The following MRPL42 variants were observed in gnomAD, a reference collection of about 807,000 sequenced individuals.
The protein encoded by MRPL42 is large ribosomal subunit protein mL42.
Under a neutral mutation model 17.9 loss-of-function variants are expected in MRPL42, and 17 were observed. The observed-to-expected ratio is 0.95, with a 90% confidence interval of 0.65 to 1.42. The LOEUF (loss-of-function observed/expected upper bound fraction) is 1.42. Ranked by LOEUF, MRPL42 falls within the 40% of genes most tolerant of loss-of-function variation. The pLI, the probability that MRPL42 is intolerant of heterozygous loss-of-function variation, is 0.00. For missense variants in MRPL42, 177 were observed against 175.2 expected, an observed-to-expected ratio of 1.01 and a Z score of -0.06; for synonymous variants, 59 against 54.4, an observed-to-expected ratio of 1.08 and a Z score of -0.37.
Position 93,511,136 on chromosome 12 carries a change from A to C in MRPL42, c.*9915A>C, listed in dbSNP as rs1041872621. ...TACTCATAAATATAATTCTTCATAT[A>C]CTGAGTTCAGTTTTTTAGCCATAAA... On this transcript the variant is annotated 3_prime_UTR_variant, in exon 6 of 6. Transcript: ENST00000549982. The C allele has an allele frequency of 6.6e-6, 1 of 152,218 alleles. No homozygotes were observed. The highest frequency in any genetic ancestry group is 1.5e-5 in the Non-Finnish European group (1 of 68,018). The allele number at this position is 152,218 out of a possible 1,614,324, so 9.4% of individuals were successfully genotyped here. A position where few individuals can be genotyped will look rare whatever the true frequency, so the allele number is the denominator to read the frequency against.
At chr12:93,496,933 T>C in intron 5 of MRPL42, among the ~76,000 whole-genome samples, 1 of 152,044 alleles carries the variant, frequency 6.6e-6, no homozygotes, top group East Asian at 1.9e-4. Context: ...CAGAGACTAT[T>C]ATTAGGAACA....
intron 4 of MRPL42, among the ~76,000 whole-genome samples, chr12:93,483,493 A>G (rs961264286): frequency 4.6e-5 from 7 of 152,216 alleles, no homozygotes; most frequent in African/African-American, 1.2e-4. Flanking sequence ...TTGTAACACA[A>G]TGGTCAATAT....
Position 93,508,751 on chromosome 12 carries a change from A to G in MRPL42, c.*7530A>G, listed in dbSNP as rs1953696426. ...CCTAACTTTCATTTTTTCTTCCCGTAAGCAGCCCCGAACACTTACTTATAA... is the reference window on the plus strand; with the variant it reads ...CCTAACTTTCATTTTTTCTTCCCGTGAGCAGCCCCGAACACTTACTTATAA... On this transcript the variant is annotated 3_prime_UTR_variant, in exon 6 of 6. Coordinates refer to ENST00000549982, the MANE Select transcript of MRPL42 (RefSeq NM_014050.4). 6.6e-6 allele frequency: 1 copy of G among 152,130 alleles called. No individual in the cohort carries two copies. Among genetic ancestry groups the G allele is most frequent in the Admixed American group, 6.6e-5 (1 of 15,256 alleles). 9.4% of individuals were successfully genotyped at this position (152,130 alleles called of 1,614,324 possible). A position where few individuals can be genotyped will look rare whatever the true frequency, so the allele number is the denominator to read the frequency against.
At chr12:93,490,232 G>T (rs1001547513) in intron 5 of MRPL42, among the ~76,000 whole-genome samples, 1 of 152,170 alleles carries the variant, frequency 6.6e-6, no homozygotes, top group African/African-American at 2.4e-5. Context: ...CGAGCATGTT[G>T]TCTTTAGACA....
In MRPL42 at chr12:93,506,898, T is replaced by G. The variant is rs1444451568; in HGVS notation, c.*5677T>G. 2 of 152,176 alleles carry G rather than the reference T, an allele frequency of 1.3e-5. No individual in the cohort carries two copies. The highest frequency in any genetic ancestry group is 4.8e-5 in the African/African-American group (2 of 41,444). The allele number at this position is 152,176 out of a possible 1,614,324, so 9.4% of individuals were successfully genotyped here. ...TTGCTGCATCCAGGTGTAATTACCA[T>G]AAGAGCATAGAAGATAGAATCGTAA... is the stretch of plus-strand genomic sequence containing the variant. On this transcript the variant is annotated 3_prime_UTR_variant, in exon 6 of 6. Transcript: ENST00000549982.
rs551458419 is a variant in MRPL42 at position 93,473,784 on chromosome 12, T to A, written c.71-3170T>A. Among the ~76,000 whole-genome samples, 5 of 151,822 alleles carry A rather than the reference T, an allele frequency of 3.3e-5. No individual in the cohort carries two copies. The South Asian group carries it at 1.0e-3, about 32-fold the overall frequency. On this transcript the variant is annotated intron_variant, in intron 2 of 5. Transcript: ENST00000549982. ...AGTTTTGCCATGTTGCCCAGGCTGG[T>A]CTTGAACTCCTGGGTTCAAGTGATC...
chr12:93,479,171 C>T (rs888688289), intron 3 of MRPL42, among the ~76,000 whole-genome samples: 3 of 151,534 alleles, frequency 2.0e-5, no homozygotes, highest in African/African-American at 7.3e-5. Context: ...AATCTGCCCA[C>T]CTTGGCCTTA....
At chr12:93,468,524 C>G (rs111360497) in intron 1 of MRPL42, among the ~76,000 whole-genome samples, 1,630 of 152,196 alleles carry the variant, frequency 0.011, 29 homozygotes, top group African/African-American at 0.037. Flanking sequence ...AAATTTTGTA[C>G]TTTAGTTTCT....
chr12:93,499,566 A>G (rs1454295131), intron 5 of MRPL42, among the ~76,000 whole-genome samples: 2 of 152,152 alleles, frequency 1.3e-5, no homozygotes, highest in Non-Finnish European at 2.9e-5. Flanking sequence ...ACACTATTGT[A>G]CTAGTACAAC....
rs1290519514 is a variant in MRPL42, at chr12:93,511,163, GA to G, written c.*9944del. On this transcript the variant is annotated 3_prime_UTR_variant, in exon 6 of 6. Transcript: ENST00000549982. ...TGAGTTCAGTTTTTTAGCCATAAAT[GA>G]AGACATGGGAAAACCATAACATGTT... The G allele has an allele frequency of 1.3e-5, 2 of 152,130 alleles. No homozygotes were observed. Among genetic ancestry groups the G allele is most frequent in the Non-Finnish European group, 2.9e-5 (2 of 68,006 alleles). 9.4% of individuals were successfully genotyped at this position (152,130 alleles called of 1,614,324 possible).
At chr12:93,484,821 C>T (rs1350643081) in intron 4 of MRPL42, among the ~76,000 whole-genome samples, 1 of 149,970 alleles carries the variant, frequency 6.7e-6, no homozygotes, top group African/African-American at 2.5e-5. Flanking sequence ...TGGTCATGAA[C>T]TCTTGACCTC....
intron 4 of MRPL42, among the ~76,000 whole-genome samples, chr12:93,480,488 T>C (rs914882584): frequency 2.0e-5 from 3 of 151,826 alleles, no homozygotes; most frequent in Non-Finnish European, 4.4e-5. Flanking sequence ...GTGGTACTTA[T>C]TTTGAAAAAT....
At chr12:93,482,150 C>G (rs150476304) in intron 4 of MRPL42, among the ~76,000 whole-genome samples, 17 of 152,324 alleles carry the variant, frequency 1.1e-4, no homozygotes, top group African/African-American at 4.1e-4. Flanking sequence ...TAGGTGAGCT[C>G]TCCACTCAGA....
rs750799768 is a variant in MRPL42 at position 93,505,911 on chromosome 12, C to CT, written c.*4710dup. 0.023 allele frequency: 2,760 copies of CT among 122,562 alleles called. 94 individuals are homozygous for CT. The highest frequency in any genetic ancestry group is 0.062 in the African/African-American group (2,020 of 32,322). 7.6% of individuals were successfully genotyped at this position (122,562 alleles called of 1,614,324 possible). A position where few individuals can be genotyped will look rare whatever the true frequency, so the allele number is the denominator to read the frequency against. On this transcript the variant is annotated 3_prime_UTR_variant, in exon 6 of 6. Transcript: ENST00000549982. ...TAGAACCTTATGATTACTTCTGAGT[C>CT]TTTTTTTTTTTTTTTTTTTTGAGAT... is the stretch of plus-strand genomic sequence containing the variant.
intron 4 of MRPL42, among the ~76,000 whole-genome samples, chr12:93,485,496 A>G (rs767247161): frequency 6.6e-6 from 1 of 152,096 alleles, no homozygotes; most frequent in African/African-American, 2.4e-5. Flanking sequence ...ATATAAATAT[A>G]TGCTATAATA....
chr12:93,483,299 T>C (rs995874146), intron 4 of MRPL42, among the ~76,000 whole-genome samples: 2 of 152,208 alleles, frequency 1.3e-5, no homozygotes, highest in Non-Finnish European at 2.9e-5. Context: ...CATTGCTTAC[T>C]GATGGGGATA....
intron 4 of MRPL42, among the ~76,000 whole-genome samples, chr12:93,484,454 A>T (rs1167955361): frequency 2.0e-5 from 3 of 152,240 alleles, no homozygotes; most frequent in Non-Finnish European, 4.4e-5. Context: ...GTTTGTTTAC[A>T]TTGGCACCAC....
At chr12:93,484,652 G>A (rs1880618517) in intron 4 of MRPL42, among the ~76,000 whole-genome samples, 2 of 151,770 alleles carry the variant, frequency 1.3e-5, no homozygotes, top group South Asian at 2.1e-4. Flanking sequence ...GGTGGAATGC[G>A]GTGGCATGAT....
chr12:93,509,761 C>G lies in MRPL42; in HGVS notation c.*8540C>G, dbSNP rs1224395187. On this transcript the variant is annotated 3_prime_UTR_variant, in exon 6 of 6. Transcript: ENST00000549982. ...TGCAGCCTGGGCAACATAGTGAGAT[C>G]CTCATCTCCTGAAAAAAAAAAAAAA... 1 of 148,014 alleles carries G rather than the reference C, an allele frequency of 6.8e-6. No homozygotes were observed. The highest frequency in any genetic ancestry group is 1.9e-4 in the East Asian group (1 of 5,180). The allele number at this position is 148,014 out of a possible 1,614,324, so 9.2% of individuals were successfully genotyped here. A position where few individuals can be genotyped will look rare whatever the true frequency, so the allele number is the denominator to read the frequency against.
Sources: allele counts gnomAD v4.1 joint callset (sites outside exome capture counted in the v4.1 genomes callset), GRCh38; gene constraint gnomAD v4.1.1; transcripts MANE v1.5; gene names NCBI Gene and HGNC (gene_info 2026-07-23, HGNC 2026-07-21).